Variants in LOXL2 observed in about 807,000 individuals in gnomAD.
The protein encoded by LOXL2 is lysyl oxidase like 2.
A neutral mutation model predicts 93.0 loss-of-function variants in LOXL2; 70 were observed. The observed-to-expected ratio is 0.75, with a 90% CI of 0.62 to 0.92. The LOEUF (loss-of-function observed/expected upper bound fraction) is 0.92, where lower values mean the gene tolerates loss of function less well. Among genes scored for constraint, LOXL2 ranks in the 40% least tolerant of loss-of-function variants. LOXL2 has a pLI of 0.00. For missense variants in LOXL2, 973 were observed against 1,054.9 expected, an observed-to-expected ratio of 0.92 and a Z score of 1.08; for synonymous variants, 438 against 413.2, an observed-to-expected ratio of 1.06 and a Z score of -0.73.
At chr8:23,383,815 C>T (rs1466384150) in intron 1 of LOXL2, among the ~76,000 whole-genome samples, 1 of 151,762 alleles carries the variant, frequency 6.6e-6, no homozygotes, top group Non-Finnish European at 1.5e-5. Flanking sequence ...CGCCCGCCAC[C>T]ACGCCCGGCT....
intron 5 of LOXL2, among the ~76,000 whole-genome samples, chr8:23,330,208 C>A (rs1405300046): frequency 1.3e-5 from 2 of 152,284 alleles, no homozygotes; most frequent in East Asian, 3.9e-4. Context: ...GTGGCGGGTG[C>A]CTGTAGTCCC....
At chr8:23,312,900 C>T (rs1172461174) in intron 9 of LOXL2, among the ~76,000 whole-genome samples, 16 of 125,362 alleles carry the variant, frequency 1.3e-4, no homozygotes, top group African/African-American at 5.3e-4. Flanking sequence ...TCTAGAAAAC[C>T]CCATTGTCTC....
chr8:23,337,949 G>T (rs905810770), intron 4 of LOXL2, among the ~76,000 whole-genome samples: 1 of 152,140 alleles, frequency 6.6e-6, no homozygotes, highest in African/African-American at 2.4e-5. Flanking sequence ...CCATTCTCAT[G>T]CTGCTAATAA....
chr8:23,318,395 A>G (rs1014377974), intron 8 of LOXL2, among the ~76,000 whole-genome samples: 2 of 151,474 alleles, frequency 1.3e-5, no homozygotes, highest in Non-Finnish European at 2.9e-5. Flanking sequence ...ACATATATAA[A>G]CACACATTCA....
intron 1 of LOXL2, among the ~76,000 whole-genome samples, chr8:23,394,100 C>G (rs1282420056): frequency 6.6e-6 from 1 of 152,038 alleles, no homozygotes; most frequent in East Asian, 1.9e-4. Flanking sequence ...AATAAAAAGA[C>G]AAGAAACCCA....
chr8:23,366,458 A>C (rs1804402514), intron 2 of LOXL2, among the ~76,000 whole-genome samples: 1 of 152,234 alleles, frequency 6.6e-6, no homozygotes, highest in Non-Finnish European at 1.5e-5. Flanking sequence ...AATTTCTAGA[A>C]TAACAGAAAA....
intron 9 of LOXL2, among the ~76,000 whole-genome samples, chr8:23,314,608 A>C (rs1050565375): frequency 2.0e-5 from 3 of 151,122 alleles, no homozygotes; most frequent in African/African-American, 7.3e-5. Flanking sequence ...ACACACGGAC[A>C]CAGGAAGGGG....
chr8:23,358,761 C>G (rs182863675), intron 3 of LOXL2, among the ~76,000 whole-genome samples: 6 of 152,230 alleles, frequency 3.9e-5, no homozygotes, highest in Admixed American at 6.5e-5. Context: ...CAGAATCAAT[C>G]TGGGGCTGCT....
chr8:23,361,593 A>G (rs1804291448), intron 2 of LOXL2, among the ~76,000 whole-genome samples: 1 of 152,210 alleles, frequency 6.6e-6, no homozygotes, highest in Non-Finnish European at 1.5e-5. Flanking sequence ...CTGTAATCCC[A>G]GCACTTTTGG....
intron 5 of LOXL2, among the ~76,000 whole-genome samples, chr8:23,332,222 A>AC (rs1191406516): frequency 3.4e-5 from 2 of 58,254 alleles, no homozygotes; most frequent in Non-Finnish European, 6.6e-5. Context: ...CACCCCACAC[A>AC]CCCCCTACAC....
chr8:23,313,885 G>A (rs1211153960), intron 9 of LOXL2, among the ~76,000 whole-genome samples: 3 of 149,852 alleles, frequency 2.0e-5, no homozygotes, highest in East Asian at 2.0e-4. Flanking sequence ...GAAAATTTTG[G>A]CAACCTACTC....
chr8:23,368,880 G>T (rs563635021), intron 1 of LOXL2, among the ~76,000 whole-genome samples: 12 of 152,236 alleles, frequency 7.9e-5, no homozygotes, highest in African/African-American at 2.9e-4. Context: ...CTCACTGGAG[G>T]GTCTCAGAGC....
chr8:23,299,357 G>A (rs567813129), intron 12 of LOXL2, among the ~76,000 whole-genome samples: 3 of 152,320 alleles, frequency 2.0e-5, no homozygotes, highest in South Asian at 4.1e-4. Context: ...CTGCCTGGGC[G>A]TTGGAGATGG....
rs74683574 is a variant in LOXL2 at position 23,339,504 on chromosome 8, C to T, written c.743+1488G>A. Reference sequence around the variant, plus strand: ...GGCCTGAGATCAACTCCTCAAAAGCCGAGAAGGACTCTGGACTGGCCACGG... The same window carrying T: ...GGCCTGAGATCAACTCCTCAAAAGCTGAGAAGGACTCTGGACTGGCCACGG... On this transcript the variant is annotated intron_variant, in intron 4 of 13. Transcript: ENST00000389131. 4.5e-3 allele frequency among the ~76,000 whole-genome samples: 687 copies of T among 152,278 alleles called. 18 individuals carry two copies. The East Asian group carries it at 0.076, about 17-fold the overall frequency.
rs554844545 is a variant in LOXL2, at chr8:23,309,070, C to T, written c.1880+598G>A. ...CGTGATCTCAGCTCACAGCAACCTC[C>T]GCCTCCTGGGTTCACGCCATTCTCC... is the stretch of plus-strand genomic sequence containing the variant. On this transcript the variant is annotated intron_variant, in intron 10 of 13. Transcript: ENST00000389131. Among the ~76,000 whole-genome samples, 302 of 151,556 alleles carry T rather than the reference C, an allele frequency of 2.0e-3. 1 individual carries two copies. Among genetic ancestry groups the T allele is most frequent in the African/African-American group, 7.0e-3 (287 of 41,268 alleles).
At chr8:23,379,826 G>A (rs1342067663) in intron 1 of LOXL2, among the ~76,000 whole-genome samples, 3 of 152,148 alleles carry the variant, frequency 2.0e-5, no homozygotes, top group Non-Finnish European at 2.9e-5. Context: ...GATTTTCCAG[G>A]TGCCATCTGT....
chr8:23,316,496 C>A (rs749632872), intron 9 of LOXL2, among the ~76,000 whole-genome samples: 3 of 152,146 alleles, frequency 2.0e-5, no homozygotes, highest in Admixed American at 6.5e-5. Flanking sequence ...GCATTCCCTT[C>A]TGTGGGCTCA....
intron 1 of LOXL2, 55 bp from the exon 2 acceptor site, chr8:23,368,489 A>G (rs1028704722): frequency 7.1e-6 from 5 of 700,330 alleles, no homozygotes; most frequent in African/African-American, 5.3e-5. Context: ...GGAGACCTAC[A>G]TAGAGAACCA....
At chr8:23,320,535 A>G (rs560722801) in intron 7 of LOXL2, among the ~76,000 whole-genome samples, 16 of 152,294 alleles carry the variant, frequency 1.1e-4, no homozygotes, top group East Asian at 1.9e-4. Context: ...TTGGTATCTC[A>G]GAGATCACAA....
Sources: allele counts gnomAD v4.1 joint callset (sites outside exome capture counted in the v4.1 genomes callset), GRCh38; gene constraint gnomAD v4.1.1; transcripts MANE v1.5; gene names NCBI Gene and HGNC (gene_info 2026-07-23, HGNC 2026-07-21).